The following SGCZ variants were observed in gnomAD, a reference collection of about 807,000 sequenced individuals.
SGCZ encodes sarcoglycan zeta.
A neutral mutation model predicts 41.3 loss-of-function variants in SGCZ; 40 were observed. The observed-to-expected ratio is 0.97, with a 90% CI of 0.75 to 1.26. The LOEUF (loss-of-function observed/expected upper bound fraction) is 1.26, where lower values mean the gene tolerates loss of function less well. SGCZ is among the 50% of genes most tolerant of loss of function. The pLI is 0.00. For missense variants in SGCZ, 552 were observed against 369.8 expected (o/e 1.49, Z -4.04); for synonymous variants, 206 against 137.5 (o/e 1.50, Z -3.49).
chr8:15,143,528 G>A (rs1449398937), intron 1 of SGCZ, among the ~76,000 whole-genome samples: 3 of 152,180 alleles, frequency 2.0e-5, no homozygotes, highest in African/African-American at 7.2e-5. Context: ...CAGATCATTG[G>A]AAATTAGTTA....
chr8:14,489,866 C>CTTTTTTTTT (rs142314868), intron 2 of SGCZ, among the ~76,000 whole-genome samples: 3 of 137,464 alleles, frequency 2.2e-5, no homozygotes, highest in Admixed American at 7.6e-5. Flanking sequence ...AATTCTCCTA[C>CTTTTTTTTT]CTTTTTTTTT....
At chr8:14,425,894 A>G (rs1198486305) in intron 2 of SGCZ, among the ~76,000 whole-genome samples, 1 of 152,192 alleles carries the variant, frequency 6.6e-6, no homozygotes. Context: ...CATTTATTAA[A>G]GAAGGTTCAG....
chr8:15,178,699 G>A (rs1343460849), intron 1 of SGCZ, among the ~76,000 whole-genome samples: 17 of 152,130 alleles, frequency 1.1e-4, no homozygotes, highest in Admixed American at 1.1e-3. Context: ...ATCAAAGACA[G>A]AAAAGGCCAT....
At chr8:15,194,189 A>T (rs1384133403) in intron 1 of SGCZ, among the ~76,000 whole-genome samples, 1 of 105,428 alleles carries the variant, frequency 9.5e-6, no homozygotes, top group Non-Finnish European at 1.9e-5. Context: ...CTCTAATCAC[A>T]CACACACACA....
chr8:14,438,761 G>GT (rs1245960083), intron 2 of SGCZ, among the ~76,000 whole-genome samples: 1 of 151,744 alleles, frequency 6.6e-6, no homozygotes, highest in Non-Finnish European at 1.5e-5. Flanking sequence ...AAATATCACT[G>GT]TAACATTATA....
chr8:14,115,543 A>G (rs753528520), intron 5 of SGCZ, among the ~76,000 whole-genome samples: 11 of 152,050 alleles, frequency 7.2e-5, no homozygotes, highest in South Asian at 2.1e-4. Context: ...ATAAGCTTTC[A>G]ACGTACTTAA....
chr8:15,011,232 T>C (rs944169100), intron 1 of SGCZ, among the ~76,000 whole-genome samples: 10 of 152,176 alleles, frequency 6.6e-5, no homozygotes, highest in Admixed American at 4.6e-4. Context: ...TTTTTTTAAC[T>C]GGATATTTTG....
intron 3 of SGCZ, among the ~76,000 whole-genome samples, chr8:14,253,939 G>GT (rs10683633): frequency 7.2e-5 from 11 of 151,932 alleles, no homozygotes; most frequent in South Asian, 2.1e-4. Flanking sequence ...CACTTGTTCT[G>GT]CTTTTCATGA....
chr8:14,179,584 T>C (rs1804657586), intron 4 of SGCZ, among the ~76,000 whole-genome samples: 1 of 152,100 alleles, frequency 6.6e-6, no homozygotes, highest in Non-Finnish European at 1.5e-5. Context: ...CAGAGTCTCT[T>C]ACAAATCAGG....
intron 2 of SGCZ, among the ~76,000 whole-genome samples, chr8:14,521,616 C>G (rs1173824625): frequency 6.6e-6 from 1 of 152,122 alleles, no homozygotes; most frequent in Non-Finnish European, 1.5e-5. Context: ...TGTCAACATT[C>G]ATGTACAGGT....
At chr8:14,281,496 T>A (rs1800437222) in intron 3 of SGCZ, among the ~76,000 whole-genome samples, 1 of 151,972 alleles carries the variant, frequency 6.6e-6, no homozygotes. Context: ...ATGAAAAGTA[T>A]CATCATCCAA....
At chr8:15,172,154 G>T (rs1031596136) in intron 1 of SGCZ, among the ~76,000 whole-genome samples, 29,745 of 69,908 alleles carry the variant, frequency 0.43, 6,454 homozygotes, top group East Asian at 0.62. Context: ...TTTATACTCT[G>T]TTTTTTTTTT....
intron 3 of SGCZ, among the ~76,000 whole-genome samples, chr8:14,259,513 T>G (rs1025481879): frequency 6.7e-6 from 1 of 148,364 alleles, no homozygotes; most frequent in South Asian, 2.1e-4. Flanking sequence ...GGATCCAGTT[T>G]CAGCTTTCTA....
At chr8:14,517,619 C>T (rs185909620) in intron 2 of SGCZ, among the ~76,000 whole-genome samples, 3 of 151,892 alleles carry the variant, frequency 2.0e-5, no homozygotes, top group African/African-American at 7.2e-5. Context: ...GAAATTATTA[C>T]AAAATATAGA....
At chr8:14,429,218 A>C (rs1239349713) in intron 2 of SGCZ, among the ~76,000 whole-genome samples, 1 of 152,344 alleles carries the variant, frequency 6.6e-6, no homozygotes, top group East Asian at 1.9e-4. Flanking sequence ...GGTTTATGGA[A>C]GATAAAAATG....
intron 1 of SGCZ, among the ~76,000 whole-genome samples, chr8:14,601,077 C>A (rs752386326): frequency 1.5e-3 from 221 of 150,286 alleles, no homozygotes; most frequent in Non-Finnish European, 2.5e-3. Context: ...TATAAATATT[C>A]TATACATTAT....
At chr8:14,317,972 G>C (rs1328080313) in intron 3 of SGCZ, among the ~76,000 whole-genome samples, 1 of 143,650 alleles carries the variant, frequency 7.0e-6, no homozygotes, top group Admixed American at 7.0e-5. Flanking sequence ...CTACCAATTA[G>C]AAAAAAAAAA....
chr8:15,170,285 A>T (rs1282338240), intron 1 of SGCZ, among the ~76,000 whole-genome samples: 1 of 152,120 alleles, frequency 6.6e-6, no homozygotes, highest in Non-Finnish European at 1.5e-5. Context: ...GACACATTTG[A>T]TCTACAGCTT....
At chr8:14,279,783 T>C (rs949306225) in intron 3 of SGCZ, among the ~76,000 whole-genome samples, 1 of 151,970 alleles carries the variant, frequency 6.6e-6, no homozygotes, top group Non-Finnish European at 1.5e-5. Context: ...ATTTAATAAC[T>C]GAATTTTCAG....
Sources: gnomAD v4.1 joint callset for allele counts (sites outside exome capture counted in the v4.1 genomes callset) on GRCh38, gnomAD v4.1.1 for gene constraint, MANE v1.5 for transcripts, NCBI Gene and HGNC (gene_info 2026-07-23, HGNC 2026-07-21) for gene names.